SUPT5H: variants seen among roughly 807,000 people sequenced by gnomAD.
SUPT5H encodes the protein transcription elongation factor SPT5.
In SUPT5H, 24 loss-of-function variants were observed where a neutral mutation model predicts 142.5. The ratio of observed to expected loss-of-function variants is 0.17; its 90% CI spans 0.12 to 0.24. The LOEUF (loss-of-function observed/expected upper bound fraction) is 0.24, where lower values mean the gene tolerates loss of function less well. Ranked by LOEUF, SUPT5H falls within the 10% of genes least tolerant of loss-of-function variation. The pLI is 1.00. For synonymous variants in SUPT5H, 546 were observed against 553.0 expected, an observed-to-expected ratio of 0.99 and a Z score of 0.18; for missense variants, 893 against 1,471.8, an observed-to-expected ratio of 0.61 and a Z score of 6.43.
intron 10 of SUPT5H, among the ~76,000 whole-genome samples, chr19:39,462,056 C>T (rs1008679180): frequency 1.3e-5 from 2 of 151,766 alleles, no homozygotes; most frequent in Admixed American, 6.6e-5. Flanking sequence ...TATAGGCATC[C>T]GCCACCATGC....
At chr19:39,464,741 T>C (rs1036840302) in intron 10 of SUPT5H, 57 bp from the exon 11 acceptor site, 1 of 1,537,788 alleles carries the variant, frequency 6.5e-7, no homozygotes, top group Non-Finnish European at 8.8e-7. Flanking sequence ...TGGCAGTCAT[T>C]TCTGTTATTA....
At position 39,474,091 on chromosome 19, in the gene SUPT5H, A is replaced by G; in HGVS notation, c.2621A>G (p.Tyr874Cys). 6.2e-7 allele frequency: 1 copy of G among 1,603,802 alleles called. No individual in the cohort carries two copies. The stretch of plus-strand genomic sequence containing the variant: ...TCGTCCCCACAGGTCAACCCACAAT[A>G]CAACCCGCAGACGCCAGGGACGCCG... Reference protein sequence around the residue: ...DPSSPQVNPQYNPQTPGTPAM... With the variant: ...DPSSPQVNPQCNPQTPGTPAM... Residue 874 changes from tyrosine to cysteine, a missense_variant, in exon 26 of 30, where the codon TAC (tyrosine) becomes TGC (cysteine). Around this residue, in one of 6 missense-constraint regions of SUPT5H, gnomAD observed 336 missense variants for 546.5 expected, o/e 0.61. Coordinates refer to ENST00000432763, the MANE Select transcript of SUPT5H (RefSeq NM_001111020.3). The surrounding 1 kb of genome is among the most constrained non-coding windows in gnomAD (Gnocchi z 6.5).
chr19:39,469,874 AG>A lies in SUPT5H; in HGVS notation c.1375-243del. ...GCAGGCTCTCTGTGTGGGTATAGGTAGGCATCGTGTGTCTTGAGGGCGGGCT... is the reference window on the plus strand; with the variant it reads ...GCAGGCTCTCTGTGTGGGTATAGGTAGCATCGTGTGTCTTGAGGGCGGGCT... On this transcript the variant is annotated intron_variant, in intron 16 of 29. Transcript: ENST00000432763. The surrounding 1 kb of genome is among the most constrained non-coding windows in gnomAD (Gnocchi z 5.1). 1.9e-6 allele frequency: 1 copy of A among 519,242 alleles called. No homozygotes were observed. The highest frequency in any genetic ancestry group is 2.2e-5 in the South Asian group (1 of 45,688). The allele number at this position is 519,242 out of a possible 1,614,324, so 32.2% of individuals were successfully genotyped here. A position where few individuals can be genotyped will look rare whatever the true frequency, so the allele number is the denominator to read the frequency against.
intron 2 of SUPT5H, among the ~76,000 whole-genome samples, chr19:39,452,450 A>G (rs1042821557): frequency 4.6e-5 from 7 of 152,288 alleles, no homozygotes; most frequent in South Asian, 2.1e-4. Context: ...GAGGAGCTTG[A>G]AGAGGAGCTG....
rs142786035 is a variant in SUPT5H at position 39,459,916 on chromosome 19, A to G, written c.580A>G (p.Ile194Val). The G allele has an allele frequency of 2.2e-5, 35 of 1,613,856 alleles. No homozygotes were observed. In the Middle Eastern group the frequency reaches 6.6e-4, roughly 30 times the overall value. The change falls in exon 10 of 30, where the codon ATT (isoleucine) becomes GTT (valine). Residue 194 changes from isoleucine to valine, a missense_variant. This residue lies in a region of SUPT5H where 428 missense variants were observed against 763.5 expected (regional missense o/e 0.56). Coordinates refer to ENST00000432763, the MANE Select transcript of SUPT5H (RefSeq NM_001111020.3). Reference sequence around the variant, plus strand: ...GATTGGGGAGGAACGGGCCACGGCCATTTCCTTGATGCGCAAGTTCATTGC... The same window carrying G: ...GATTGGGGAGGAACGGGCCACGGCCGTTTCCTTGATGCGCAAGTTCATTGC... The part of the protein sequence containing the change: ...CKIGEERATA[I>V]SLMRKFIAYQ...
chr19:39,447,383 C>T (rs748810185), intron 2 of SUPT5H, among the ~76,000 whole-genome samples: 14 of 151,666 alleles, frequency 9.2e-5, no homozygotes, highest in Non-Finnish European at 2.1e-4. Flanking sequence ...ACCTCTGTTC[C>T]AGGAACCAAA....
chr19:39,474,421 G>A lies in SUPT5H; in HGVS notation c.2820+19G>A, dbSNP rs1475634452. On this transcript the variant is annotated intron_variant, in intron 27 of 29. Coordinates refer to ENST00000432763, the MANE Select transcript of SUPT5H (RefSeq NM_001111020.3). The surrounding 1 kb of genome is among the most constrained non-coding windows in gnomAD (Gnocchi z 6.5). ...CTATCAGGTAATGGTCTGCCTGCCT[G>A]CCCTGAAGGGTGGTGGGCTAGGGTG... 1 of 1,611,646 alleles carries A rather than the reference G, an allele frequency of 6.2e-7. No individual in the cohort carries two copies. Among genetic ancestry groups the A allele is most frequent in the African/African-American group, 1.3e-5 (1 of 74,882 alleles).
chr19:39,476,241 T>TC lies in SUPT5H; in HGVS notation c.3121-9dup, dbSNP rs761926697. The TC allele has an allele frequency of 6.2e-7, 1 of 1,613,578 alleles. No individual in the cohort carries two copies. Among genetic ancestry groups the TC allele is most frequent in the African/African-American group, 1.3e-5 (1 of 74,792 alleles). On this transcript the variant is annotated splice_polypyrimidine_tract_variant and intron_variant, in intron 29 of 29. Transcript: ENST00000432763. ...GTGCTGACATGGACCCTGACCATATTCCCCCCACCCCCAGGTGAAAGTGAT... is the reference window on the plus strand; with the variant it reads ...GTGCTGACATGGACCCTGACCATATTCCCCCCCACCCCCAGGTGAAAGTGAT...
intron 28 of SUPT5H, chr19:39,475,859 G>T: frequency 1.7e-6 from 1 of 573,618 alleles, no homozygotes; most frequent in Non-Finnish European, 3.1e-6. Context: ...CTTTTTGCCT[G>T]TTAGCTTCAT....
In SUPT5H at chr19:39,474,470, A is replaced by G. The variant is rs771458973; in HGVS notation, c.2821-45A>G. On this transcript the variant is annotated intron_variant, in intron 27 of 29. Transcript: ENST00000432763. This position sits in a 1 kb window ranked among gnomAD's most constrained non-coding sequence, Gnocchi z 6.5. ...TGACTTTGGGCATATAGGGTCGGCCAGGCCAGATGACTATTCCCAATGACA... is the reference window on the plus strand; with the variant it reads ...TGACTTTGGGCATATAGGGTCGGCCGGGCCAGATGACTATTCCCAATGACA... The G allele has an allele frequency of 6.2e-7, 1 of 1,612,088 alleles. No homozygotes were observed. Among genetic ancestry groups the G allele is most frequent in the Non-Finnish European group, 8.5e-7 (1 of 1,178,500 alleles).
chr19:39,448,461 G>T (rs1213725692), intron 2 of SUPT5H, among the ~76,000 whole-genome samples: 1 of 152,126 alleles, frequency 6.6e-6, no homozygotes, highest in Admixed American at 6.6e-5. Context: ...TTAAAGTCAG[G>T]TGGAAATGAG....
rs1167479990 is a variant in SUPT5H at position 39,455,510 on chromosome 19, C to T, written c.241+1989C>T. Among the ~76,000 whole-genome samples the T allele has an allele frequency of 2.7e-5, 4 of 150,852 alleles. No individual in the cohort carries two copies. The South Asian group carries it at 6.3e-4, about 24-fold the overall frequency. On this transcript the variant is annotated intron_variant, in intron 3 of 29. Coordinates refer to ENST00000432763, the MANE Select transcript of SUPT5H (RefSeq NM_001111020.3). Reference sequence around the variant, plus strand: ...CCGGGAGGTGGAGGTTGCAGTGAGCCGAGATTGCTGCACTCTAGCTTGGGT... The same window carrying T: ...CCGGGAGGTGGAGGTTGCAGTGAGCTGAGATTGCTGCACTCTAGCTTGGGT...
intron 1 of SUPT5H, 33 bp downstream of exon 1, chr19:39,445,670 C>T (rs907239610): frequency 1.7e-6 from 1 of 578,266 alleles, no homozygotes; most frequent in Non-Finnish European, 3.1e-6. Context: ...CAGTTCCGGG[C>T]GCCGGGGAGG....
rs759814567 is a variant in SUPT5H at position 39,453,337 on chromosome 19, C to T, written c.76-19C>T. On this transcript the variant is annotated intron_variant, in intron 2 of 29. Transcript: ENST00000432763. Reference sequence around the variant, plus strand: ...GGGTAGCAGAATTCTGGTGCTACAACCCTGCCTGACCCCTGTAGGTAGACG... The same window carrying T: ...GGGTAGCAGAATTCTGGTGCTACAATCCTGCCTGACCCCTGTAGGTAGACG... 6.4e-7 allele frequency: 1 copy of T among 1,574,556 alleles called. No individual in the cohort carries two copies. Among genetic ancestry groups the T allele is most frequent in the East Asian group, 2.3e-5 (1 of 44,372 alleles).
intron 10 of SUPT5H, 163 bp downstream of exon 10, chr19:39,460,123 T>C: frequency 1.5e-6 from 1 of 679,304 alleles, no homozygotes; most frequent in Non-Finnish European, 2.6e-6. Flanking sequence ...GGAAGGGCTC[T>C]TCTCGGCCTA....
At position 39,472,287 on chromosome 19, in the gene SUPT5H, C is replaced by T; in HGVS notation, c.1951-122C>T. On this transcript the variant is annotated intron_variant, in intron 20 of 29. Transcript: ENST00000432763. The surrounding 1 kb of genome is among the most constrained non-coding windows in gnomAD (Gnocchi z 4.2). ...CAGGACCAGCTGTCACAGAGGAATT[C>T]AGGCCTGGGGTGTGGGTGGCTGGGT... 2 of 884,374 alleles carry T rather than the reference C, an allele frequency of 2.3e-6. No individual in the cohort carries two copies. The highest frequency in any genetic ancestry group is 1.5e-5 in the South Asian group (1 of 66,744). The allele number at this position is 884,374 out of a possible 1,614,324, so 54.8% of individuals were successfully genotyped here.
intron 3 of SUPT5H, among the ~76,000 whole-genome samples, chr19:39,454,100 G>A (rs1289569913): frequency 2.0e-5 from 3 of 152,216 alleles, no homozygotes; most frequent in African/African-American, 7.2e-5. Flanking sequence ...GTAGCAGTGA[G>A]TGTAAATGCT....
intron 11 of SUPT5H, among the ~76,000 whole-genome samples, chr19:39,465,840 A>G (rs2079228017): frequency 6.6e-6 from 1 of 152,212 alleles, no homozygotes; most frequent in Non-Finnish European, 1.5e-5. Context: ...AGACCCTAAT[A>G]CACGTTGAGT....
In SUPT5H at chr19:39,458,240, ACC is replaced by A; in HGVS notation, c.308-53_308-52del. Reference sequence around the variant, plus strand: ...ACTTTGTCTGCCCTCGCCCACCACCACCACCACCACCACCACCACCACCACCA... The same window carrying A: ...ACTTTGTCTGCCCTCGCCCACCACCAACCACCACCACCACCACCACCACCA... On this transcript the variant is annotated intron_variant, in intron 4 of 29. Coordinates refer to ENST00000432763, the MANE Select transcript of SUPT5H (RefSeq NM_001111020.3). The surrounding 1 kb of genome is among the most constrained non-coding windows in gnomAD (Gnocchi z 4.2). 5 of 672,260 alleles carry A rather than the reference ACC, an allele frequency of 7.4e-6. No homozygotes were observed. Among genetic ancestry groups the A allele is most frequent in the Admixed American group, 2.8e-5 (1 of 35,102 alleles). 41.6% of individuals were successfully genotyped at this position (672,260 alleles called of 1,614,324 possible).
Sources: gnomAD v4.1 joint callset for allele counts (sites outside exome capture counted in the v4.1 genomes callset) on GRCh38, gnomAD v4.1.1 for gene constraint, gnomAD v4.1.1 regional missense constraint, Gnocchi (gnomAD v3.1) non-coding constraint, MANE v1.5 for transcripts, NCBI Gene and HGNC (gene_info 2026-07-23, HGNC 2026-07-21) for gene names.